The following ANKK1 variants were observed in gnomAD, a reference collection of about 807,000 sequenced individuals.
ANKK1 encodes the protein ankyrin repeat and kinase domain containing 1.
Under a neutral mutation model 37.6 loss-of-function variants are expected in ANKK1, and 37 were observed. The observed-to-expected ratio is 0.98, with a 90% CI of 0.76 to 1.29. The LOEUF (loss-of-function observed/expected upper bound fraction) is 1.29. ANKK1 is among the 50% of genes most tolerant of loss of function. ANKK1 has a pLI of 0.00. For missense variants in ANKK1, 1,019 were observed against 990.6 expected, an observed-to-expected ratio of 1.03 and a Z score of -0.39; for synonymous variants, 415 against 418.7, an observed-to-expected ratio of 0.99 and a Z score of 0.11.
chr11:113,399,194 G>A lies in ANKK1; in HGVS notation c.1225G>A (p.Asp409Asn), dbSNP rs762838778. The A allele has an allele frequency of 1.7e-5, 27 of 1,601,910 alleles. No individual in the cohort carries two copies. In the South Asian group the frequency reaches 1.7e-4, roughly 10 times the overall value. ...GATCGCCGCCCAGGACCAGCAACCC[G>A]ACCTCTGTGCCCTGCTTTTGGCACA... The part of the protein sequence containing the change: ...LLIAAQDQQP[D>N]LCALLLAHGA... The change falls in exon 8 of 8, where the codon GAC (aspartate) becomes AAC (asparagine). Residue 409 changes from aspartate to asparagine, a missense_variant. Coordinates refer to ENST00000303941, the MANE Select transcript of ANKK1 (RefSeq NM_178510.2).
In ANKK1 at chr11:113,394,924, C is replaced by T. The variant is rs777083250; in HGVS notation, c.481-5C>T. On this transcript the variant is annotated splice_polypyrimidine_tract_variant and splice_region_variant and intron_variant, in intron 2 of 7. Coordinates refer to ENST00000303941, the MANE Select transcript of ANKK1 (RefSeq NM_178510.2). ...GGCTTTATCTCTGCCCCTGCCTTCT[C>T]CCAGATTTCAGACTTCGGCCTGTCC... 5 of 1,604,884 alleles carry T rather than the reference C, an allele frequency of 3.1e-6. No individual in the cohort carries two copies. The highest frequency in any genetic ancestry group is 4.3e-6 in the Non-Finnish European group (5 of 1,173,206).
intron 1 of ANKK1, 104 bp from the exon 2 acceptor site, chr11:113,393,377 G>A: frequency 7.8e-7 from 1 of 1,288,160 alleles, no homozygotes; most frequent in South Asian, 1.4e-5. Flanking sequence ...TGAGGCTTCT[G>A]TGGGTCCCCA....
Position 113,387,791 on chromosome 11 carries a change from C to T in ANKK1, c.-94C>T, listed in dbSNP as rs547140030. On this transcript the variant is annotated 5_prime_UTR_variant, in exon 1 of 8. Transcript: ENST00000303941. The stretch of plus-strand genomic sequence containing the variant: ...GGCTCGTCTCCCCATTCCCCTCTCC[C>T]GGACCCGAGGAGCAGGAAGCGGCGG... 2.2e-5 allele frequency: 30 copies of T among 1,377,664 alleles called. No individual in the cohort carries two copies. The Admixed American group carries it at 6.3e-4, about 29-fold the overall frequency. 85.3% of individuals were successfully genotyped at this position (1,377,664 alleles called of 1,614,324 possible). A position where few individuals can be genotyped will look rare whatever the true frequency, so the allele number is the denominator to read the frequency against.
At position 113,399,308 on chromosome 11, in the gene ANKK1, C is replaced by A; in HGVS notation, c.1339C>A (p.Leu447Ile). ...QNGDDGTARL[L>I]LDHGACVDAQ... ...TGGGGATGACGGCACTGCGCGCCTG[C>A]TCCTGGACCACGGGGCCTGTGTGGA... The change falls in exon 8 of 8, where the codon CTC becomes ATC. Residue 447 changes from leucine to isoleucine, a missense_variant. Physicochemically the swap from Leu to Ile is conservative, Grantham distance 5. Transcript: ENST00000303941. 3 of 1,601,278 alleles carry A rather than the reference C, an allele frequency of 1.9e-6. No individual in the cohort carries two copies. Among genetic ancestry groups the A allele is most frequent in the Non-Finnish European group, 2.6e-6 (3 of 1,174,314 alleles).
In ANKK1 at chr11:113,399,878, G is replaced by C. The variant is rs565700593; in HGVS notation, c.1909G>C (p.Gly637Arg). 3 of 1,612,876 alleles carry C rather than the reference G, an allele frequency of 1.9e-6. No homozygotes were observed. The highest frequency in any genetic ancestry group is 1.6e-4 in the Middle Eastern group (1 of 6,062). The part of the protein sequence containing the change: ...WTPLHLAARH[G>R]EEAVVSALLQ... ...TCCCCTGCACCTAGCTGCACGCCAC[G>C]GGGAGGAGGCGGTGGTGTCAGCACT... is the stretch of plus-strand genomic sequence containing the variant. The change falls in exon 8 of 8, where the codon GGG becomes CGG. Residue 637 changes from glycine (G) to arginine (R), a missense_variant. Gly to Arg is a moderately radical substitution (Grantham distance 125). Coordinates refer to ENST00000303941, the MANE Select transcript of ANKK1 (RefSeq NM_178510.2).
In ANKK1 at chr11:113,393,579, G is replaced by A. The variant is rs770325532; in HGVS notation, c.284G>A (p.Gly95Asp). The change falls in exon 2 of 8, where the codon GGT becomes GAT. Residue 95 changes from glycine (G) to aspartate (D), a missense_variant. Transcript: ENST00000303941. ...SIYGVCKQPL[G>D]IVMEFMANGS... ...TACGGGGTGTGCAAGCAGCCCCTGG[G>A]TATTGTGATGGAGTTTATGGCCAAC... The A allele has an allele frequency of 6.5e-5, 105 of 1,613,908 alleles. No individual in the cohort carries two copies. The Admixed American group carries it at 1.7e-3, about 26-fold the overall frequency.
chr11:113,396,250 G>T, intron 5 of ANKK1, 28 bp downstream of exon 5: 1 of 1,610,098 alleles, frequency 6.2e-7, no homozygotes, highest in Non-Finnish European at 8.5e-7. Flanking sequence ...CCTACCCAGG[G>T]ACTGGGAGCT....
chr11:113,396,136 A>G lies in ANKK1; in HGVS notation c.752A>G (p.Asp251Gly). ...CGGCCCTCCCTACAGCCTGTCTCTG[A>G]CCAATGGCCAAGCGAGGCCCAGCAG... is the stretch of plus-strand genomic sequence containing the variant. ...GMRPSLQPVS[D>G]QWPSEAQQMV... The change falls in exon 5 of 8, where the codon GAC (aspartate) becomes GGC (glycine). Residue 251 changes from aspartate (D) to glycine (G), a missense_variant. Coordinates refer to ENST00000303941, the MANE Select transcript of ANKK1 (RefSeq NM_178510.2). 1 of 1,613,996 alleles carries G rather than the reference A, an allele frequency of 6.2e-7. No homozygotes were observed. Among genetic ancestry groups the G allele is most frequent in the Non-Finnish European group, 8.5e-7 (1 of 1,179,878 alleles).
At position 113,390,592 on chromosome 11, in the gene ANKK1, G is replaced by A. The variant is rs567372060; in HGVS notation, c.185+2523G>A. ...TCTACTAAAAATACATAAATTAGCT[G>A]GGCGTGGTGGTGGGCACCTGTAGTC... On this transcript the variant is annotated intron_variant, in intron 1 of 7. Transcript: ENST00000303941. 1.2e-4 allele frequency among the ~76,000 whole-genome samples: 18 copies of A among 152,222 alleles called. No individual in the cohort carries two copies. The South Asian group carries it at 1.7e-3, about 14-fold the overall frequency.
chr11:113,396,355 T>A, intron 5 of ANKK1, 133 bp downstream of exon 5: 9 of 1,177,980 alleles, frequency 7.6e-6, no homozygotes, highest in Non-Finnish European at 9.4e-6. Flanking sequence ...TTTTTTTTTT[T>A]TTTTCAGAGA....
Position 113,396,202 on chromosome 11 carries a change from A to G in ANKK1, c.818A>G (p.Lys273Arg), listed in dbSNP as rs768853026. 8 of 1,613,964 alleles carry G rather than the reference A, an allele frequency of 5.0e-6. No individual in the cohort carries two copies. Among genetic ancestry groups the G allele is most frequent in the South Asian group, 1.1e-5 (1 of 91,078 alleles). ...LMKRCWDQDP[K>R]KRPCFLDITI... Reference sequence around the variant, plus strand: ...AAACGCTGCTGGGACCAGGACCCCAAGAAGAGGCCATGCTTTCTAGGTGCT... The same window carrying G: ...AAACGCTGCTGGGACCAGGACCCCAGGAAGAGGCCATGCTTTCTAGGTGCT... The change falls in exon 5 of 8, where the codon AAG (lysine) becomes AGG (arginine). Residue 273 changes from lysine (K) to arginine (R), a missense_variant. Transcript: ENST00000303941.
At position 113,388,573 on chromosome 11, in the gene ANKK1, A is replaced by T. The variant is rs568108650; in HGVS notation, c.185+504A>T. On this transcript the variant is annotated intron_variant, in intron 1 of 7. Coordinates refer to ENST00000303941, the MANE Select transcript of ANKK1 (RefSeq NM_178510.2). ...GGGAGGGAGGAGGCCCCTCCCAATC[A>T]GTGCAGGCTGAGGAGGTCAGGGGAT... Among the ~76,000 whole-genome samples, 174 of 152,238 alleles carry T rather than the reference A, an allele frequency of 1.1e-3. 1 individual carries two copies. The highest frequency in any genetic ancestry group is 4.0e-3 in the African/African-American group (167 of 41,564).
chr11:113,397,762 G>A (rs1192263950), intron 6 of ANKK1, among the ~76,000 whole-genome samples: 3 of 152,222 alleles, frequency 2.0e-5, no homozygotes, highest in Admixed American at 2.0e-4. Context: ...GGAAGGCAAG[G>A]CCCTGAGCTG....
chr11:113,400,115 G>A lies in ANKK1; in HGVS notation c.2146G>A (p.Ala716Thr), dbSNP rs775999058. ...AILKVLVEAG[A>T]QLDVQDGVSC... ...CCTCAAAGTGCTGGTCGAGGCAGGC[G>A]CCCAGCTGGACGTCCAGGATGGAGT... Residue 716 changes from alanine to threonine, a missense_variant, in exon 8 of 8, where the codon GCC becomes ACC. Ala to Thr is a moderately conservative substitution (Grantham distance 58). Coordinates refer to ENST00000303941, the MANE Select transcript of ANKK1 (RefSeq NM_178510.2). 1.6e-5 allele frequency: 26 copies of A among 1,612,106 alleles called. No individual in the cohort carries two copies. The highest frequency in any genetic ancestry group is 4.0e-5 in the African/African-American group (3 of 74,898).
intron 5 of ANKK1, 80 bp downstream of exon 5, chr11:113,396,302 C>A: frequency 6.6e-7 from 1 of 1,522,774 alleles, no homozygotes; most frequent in Non-Finnish European, 8.9e-7. Flanking sequence ...CTCCTGGGAG[C>A]TATGCAGAGA....
At chr11:113,390,038 T>C (rs1950575721) in intron 1 of ANKK1, among the ~76,000 whole-genome samples, 1 of 152,078 alleles carries the variant, frequency 6.6e-6, no homozygotes, top group South Asian at 2.1e-4. Context: ...AAGCCATATT[T>C]AGAAGGTAAA....
In ANKK1 at chr11:113,396,294, C is replaced by T. The variant is rs1417389953; in HGVS notation, c.838+72C>T. On this transcript the variant is annotated intron_variant, in intron 5 of 7. Coordinates refer to ENST00000303941, the MANE Select transcript of ANKK1 (RefSeq NM_178510.2). ...CCGGGAGGGGAGATGACTGGGCACT[C>T]CTGGGAGCTATGCAGAGAGACACTT... is the stretch of plus-strand genomic sequence containing the variant. 7 of 1,569,610 alleles carry T rather than the reference C, an allele frequency of 4.5e-6. No individual in the cohort carries two copies. In the East Asian group the frequency reaches 1.6e-4, roughly 35 times the overall value.
At chr11:113,388,332 C>G (rs987349225) in intron 1 of ANKK1, among the ~76,000 whole-genome samples, 1 of 152,234 alleles carries the variant, frequency 6.6e-6, no homozygotes, top group Non-Finnish European at 1.5e-5. Context: ...ACCAAAGACG[C>G]CTTTATCCCA....
rs764114256 is a variant in ANKK1, at chr11:113,396,112, G to A, written c.728G>A (p.Arg243Gln). The part of the protein sequence containing the change: ...MIIIRVAAGM[R>Q]PSLQPVSDQW... Reference sequence around the variant, plus strand: ...ATTATCCGAGTGGCGGCAGGCATGCGGCCCTCCCTACAGCCTGTCTCTGAC... The same window carrying A: ...ATTATCCGAGTGGCGGCAGGCATGCAGCCCTCCCTACAGCCTGTCTCTGAC... The change falls in exon 5 of 8, where the codon CGG becomes CAG. Residue 243 changes from arginine to glutamine, a missense_variant. Arg to Gln is a conservative substitution (Grantham distance 43). Coordinates refer to ENST00000303941, the MANE Select transcript of ANKK1 (RefSeq NM_178510.2). The A allele has an allele frequency of 9.9e-6, 16 of 1,613,806 alleles. No homozygotes were observed. The highest frequency in any genetic ancestry group is 1.6e-4 in the Middle Eastern group (1 of 6,084).
Sources: allele counts gnomAD v4.1 joint callset (sites outside exome capture counted in the v4.1 genomes callset), GRCh38; gene constraint gnomAD v4.1.1; transcripts MANE v1.5; gene names NCBI Gene and HGNC (gene_info 2026-07-23, HGNC 2026-07-21).